GPC5: variants seen among roughly 807,000 people sequenced by gnomAD.
GPC5 encodes the protein glypican-5.
Under a neutral mutation model 53.9 loss-of-function variants are expected in GPC5, and 47 were observed. The observed-to-expected ratio is 0.87, with a 90% CI of 0.69 to 1.11. The LOEUF (loss-of-function observed/expected upper bound fraction) is 1.11. GPC5 is among the 50% of genes most tolerant of loss of function. The pLI is 0.00. For synonymous variants in GPC5, 286 were observed against 263.3 expected (o/e 1.09, Z -0.84); for missense variants, 748 against 713.1 (o/e 1.05, Z -0.56).
chr13:91,615,490 C>G (rs1352256873), intron 2 of GPC5, among the ~76,000 whole-genome samples: 3 of 152,104 alleles, frequency 2.0e-5, no homozygotes, highest in African/African-American at 4.8e-5. Context: ...TTTTGCATGA[C>G]CATATGAGCA....
chr13:92,837,694 G>A (rs941132766), intron 7 of GPC5, among the ~76,000 whole-genome samples: 5 of 152,270 alleles, frequency 3.3e-5, no homozygotes, highest in Admixed American at 2.6e-4. Context: ...ACAAGTATCA[G>A]AGTATAAAAC....
intron 7 of GPC5, among the ~76,000 whole-genome samples, chr13:92,681,388 G>A (rs1453098176): frequency 2.0e-5 from 3 of 150,724 alleles, no homozygotes; most frequent in African/African-American, 7.3e-5. Flanking sequence ...CTCTTCCTCT[G>A]TCACCTTTTT....
At chr13:91,708,747 C>A (rs938810138) in intron 3 of GPC5, among the ~76,000 whole-genome samples, 1 of 152,060 alleles carries the variant, frequency 6.6e-6, no homozygotes, top group African/African-American at 2.4e-5. Context: ...TTGACTCATG[C>A]AAATAGAAAA....
intron 2 of GPC5, among the ~76,000 whole-genome samples, chr13:91,593,336 G>A (rs1455603964): frequency 6.6e-6 from 1 of 152,152 alleles, no homozygotes; most frequent in African/African-American, 2.4e-5. Context: ...ACTCAAAGCC[G>A]TGGTCGCACT....
At chr13:92,629,855 G>T (rs1438792205) in intron 7 of GPC5, among the ~76,000 whole-genome samples, 3 of 152,112 alleles carry the variant, frequency 2.0e-5, no homozygotes, top group Non-Finnish European at 4.4e-5. Flanking sequence ...TAATGCAGAG[G>T]TTAGCGATTT....
chr13:92,120,564 T>A (rs2041640821), intron 6 of GPC5, among the ~76,000 whole-genome samples: 1 of 152,134 alleles, frequency 6.6e-6, no homozygotes, highest in Non-Finnish European at 1.5e-5. Context: ...TGACTATTTT[T>A]GAAAAAAGAA....
intron 6 of GPC5, among the ~76,000 whole-genome samples, chr13:91,961,552 C>T (rs2040125671): frequency 6.6e-6 from 1 of 151,796 alleles, no homozygotes; most frequent in Non-Finnish European, 1.5e-5. Flanking sequence ...AACAGAAATG[C>T]ACATGTGTAA....
intron 2 of GPC5, among the ~76,000 whole-genome samples, chr13:91,678,902 T>C (rs780717645): frequency 1.3e-5 from 2 of 152,174 alleles, no homozygotes; most frequent in Non-Finnish European, 2.9e-5. Flanking sequence ...ACTTGGATAT[T>C]CTTTTAGCCA....
intron 7 of GPC5, among the ~76,000 whole-genome samples, chr13:92,580,267 G>A (rs1373363700): frequency 6.6e-6 from 1 of 152,166 alleles, no homozygotes; most frequent in East Asian, 1.9e-4. Context: ...CCAAAAGAGT[G>A]ACATTTTGCA....
intron 6 of GPC5, among the ~76,000 whole-genome samples, chr13:92,087,536 G>T (rs567469643): frequency 3.3e-5 from 5 of 152,110 alleles, no homozygotes; most frequent in Non-Finnish European, 7.4e-5. Context: ...TTCAGGAAAT[G>T]ACATATTCTC....
intron 6 of GPC5, among the ~76,000 whole-genome samples, chr13:92,138,135 G>A (rs1050481626): frequency 1.3e-5 from 2 of 152,126 alleles, no homozygotes; most frequent in African/African-American, 4.8e-5. Flanking sequence ...ATATGGGACA[G>A]CTATTCATGT....
intron 2 of GPC5, among the ~76,000 whole-genome samples, chr13:91,656,893 T>C (rs1197662958): frequency 6.6e-6 from 1 of 152,190 alleles, no homozygotes; most frequent in Non-Finnish European, 1.5e-5. Context: ...GAAACAGTGC[T>C]GGGTGCTGGT....
At position 92,445,764 on chromosome 13, in the gene GPC5, C is replaced by T. The variant is rs534225000; in HGVS notation, c.1561+300775C>T. On this transcript the variant is annotated intron_variant, in intron 7 of 7. Transcript: ENST00000377067. ...AAGTCTTTGCTATCGTGAATAATGC[C>T]GCAATAAACATACGTGTGCATGTGT... 1.1e-3 allele frequency among the ~76,000 whole-genome samples: 169 copies of T among 151,862 alleles called. 1 individual carries two copies. The highest frequency in any genetic ancestry group is 4.0e-3 in the African/African-American group (164 of 41,394).
intron 1 of GPC5, among the ~76,000 whole-genome samples, chr13:91,422,441 G>T (rs1878701591): frequency 6.6e-6 from 1 of 151,972 alleles, no homozygotes; most frequent in Non-Finnish European, 1.5e-5. Flanking sequence ...GTTGAGACTA[G>T]CCTGGCCAAC....
chr13:92,232,344 T>A (rs1037447196), intron 7 of GPC5, among the ~76,000 whole-genome samples: 4 of 152,202 alleles, frequency 2.6e-5, no homozygotes, highest in African/African-American at 4.8e-5. Flanking sequence ...CAAATTACTA[T>A]GTTTTAAATT....
intron 2 of GPC5, among the ~76,000 whole-genome samples, chr13:91,569,364 A>G (rs890040472): frequency 1.3e-5 from 2 of 152,258 alleles, no homozygotes; most frequent in African/African-American, 4.8e-5. Flanking sequence ...ATTGGCTGCA[A>G]CAAGTCATAT....
chr13:91,810,065 AT>A lies in GPC5; in HGVS notation c.1280+53653del, dbSNP rs201991040. 8.2e-4 allele frequency among the ~76,000 whole-genome samples: 125 copies of A among 151,900 alleles called. 1 individual carries two copies. The East Asian group carries it at 0.022, about 27-fold the overall frequency. On this transcript the variant is annotated intron_variant, in intron 5 of 7. Coordinates refer to ENST00000377067, the MANE Select transcript of GPC5 (RefSeq NM_004466.6). ...GTTCTATTCCAAGGGAGGAAATCAT[AT>A]TTTTTTTAACATTGAAACTACAAGA...
At chr13:91,570,829 A>C (rs530247864) in intron 2 of GPC5, among the ~76,000 whole-genome samples, 1 of 152,314 alleles carries the variant, frequency 6.6e-6, no homozygotes, top group South Asian at 2.1e-4. Context: ...CATTGATGGG[A>C]TGCATACACT....
intron 5 of GPC5, among the ~76,000 whole-genome samples, chr13:91,904,958 TTGAC>T (rs2039537740): frequency 6.6e-6 from 1 of 151,974 alleles, no homozygotes; most frequent in African/African-American, 2.4e-5. Flanking sequence ...CCCTCAGTCA[TTGAC>T]TGAGGGGCAA....
Sources: allele counts gnomAD v4.1 joint callset (sites outside exome capture counted in the v4.1 genomes callset), GRCh38; gene constraint gnomAD v4.1.1; transcripts MANE v1.5; gene names NCBI Gene and HGNC (gene_info 2026-07-23, HGNC 2026-07-21).